RIMS4: variants seen among roughly 807,000 people sequenced by gnomAD.
The protein encoded by RIMS4 is regulating synaptic membrane exocytosis 4.
RIMS4 carries 9 observed loss-of-function variants against 29.0 expected under a neutral mutation model. The observed-to-expected ratio is 0.31, with a 90% confidence interval of 0.19 to 0.54. RIMS4 has a LOEUF of 0.54. Among genes scored for constraint, RIMS4 ranks in the 20% least tolerant of loss-of-function variants. The pLI is 0.94. For missense variants in RIMS4, 193 were observed against 365.7 expected (o/e 0.53, Z 3.85); for synonymous variants, 130 against 152.9 (o/e 0.85, Z 1.10).
At chr20:44,802,506 A>G (rs190937512) in intron 1 of RIMS4, among the ~76,000 whole-genome samples, 5 of 152,206 alleles carry the variant, frequency 3.3e-5, no homozygotes, top group African/African-American at 1.2e-4. Context: ...GGTCTCTCAC[A>G]CCTACATCAT....
At chr20:44,810,074 G>A (rs1221535601) in intron 1 of RIMS4, 101 bp downstream of exon 1, 8 of 550,918 alleles carry the variant, frequency 1.5e-5, no homozygotes, top group Non-Finnish European at 2.6e-5. Flanking sequence ...GCCTTCCCAG[G>A]GGATTGGGGG....
chr20:44,806,094 T>A (rs1159999294), intron 1 of RIMS4, among the ~76,000 whole-genome samples: 1 of 152,202 alleles, frequency 6.6e-6, no homozygotes, highest in Non-Finnish European at 1.5e-5. Context: ...GGAGAGGGAC[T>A]GGTAGCTGGC....
chr20:44,805,260 C>T (rs760286161), intron 1 of RIMS4, among the ~76,000 whole-genome samples: 10 of 152,026 alleles, frequency 6.6e-5, no homozygotes, highest in Non-Finnish European at 1.0e-4. Flanking sequence ...GAGCTGAGAT[C>T]GCACCACTGC....
At chr20:44,791,324 A>G (rs977874172) in intron 1 of RIMS4, among the ~76,000 whole-genome samples, 10 of 152,206 alleles carry the variant, frequency 6.6e-5, no homozygotes, top group African/African-American at 2.4e-4. Flanking sequence ...TGCACATAGC[A>G]TATACGGTGT....
Position 44,786,740 on chromosome 20 carries a change from G to A in RIMS4, c.98-15327C>T, listed in dbSNP as rs756934349. ...TCTATCCCTGGAACCTAAGGCCTAA[G>A]CTGGCAGAAAGGAGGGTTCAGAGAT... On this transcript the variant is annotated intron_variant, in intron 1 of 5. Transcript: ENST00000372851. Among the ~76,000 whole-genome samples the A allele has an allele frequency of 1.0e-3, 156 of 152,332 alleles. 4 individuals are homozygous for A. Among genetic ancestry groups the A allele is most frequent in the Admixed American group, 3.9e-4 (6 of 15,300 alleles).
chr20:44,773,565 C>G (rs938731834), intron 1 of RIMS4, among the ~76,000 whole-genome samples: 1 of 152,084 alleles, frequency 6.6e-6, no homozygotes, highest in Non-Finnish European at 1.5e-5. Context: ...ACACCTGCCT[C>G]GGCTCCCTCC....
chr20:44,782,223 C>T (rs2066187543), intron 1 of RIMS4, among the ~76,000 whole-genome samples: 1 of 152,132 alleles, frequency 6.6e-6, no homozygotes, highest in African/African-American at 2.4e-5. Flanking sequence ...ACAAGTTACC[C>T]CCAAATTTCA....
At chr20:44,757,976 G>A in intron 3 of RIMS4, 96 bp downstream of exon 3, 1 of 1,044,370 alleles carries the variant, frequency 9.6e-7, no homozygotes, top group South Asian at 1.5e-5. Flanking sequence ...GCAGAGGATG[G>A]ATCAACAGGC....
At chr20:44,774,698 CCTGA>C (rs1336321385) in intron 1 of RIMS4, among the ~76,000 whole-genome samples, 7 of 152,126 alleles carry the variant, frequency 4.6e-5, no homozygotes, top group African/African-American at 9.7e-5. Context: ...TCCAGAGAAC[CCTGA>C]CTAATAGTCA....
chr20:44,787,529 G>A (rs1400945007), intron 1 of RIMS4, among the ~76,000 whole-genome samples: 1 of 152,032 alleles, frequency 6.6e-6, no homozygotes, highest in Non-Finnish European at 1.5e-5. Context: ...CGGGAACACC[G>A]GCCGCCTGGA....
Position 44,778,518 on chromosome 20 carries a change from A to C in RIMS4, c.98-7105T>G, listed in dbSNP as rs1018877429. On this transcript the variant is annotated intron_variant, in intron 1 of 5. Coordinates refer to ENST00000372851, the MANE Select transcript of RIMS4 (RefSeq NM_182970.4). The stretch of plus-strand genomic sequence containing the variant: ...TAGTGAGACCCTGCCTCTATAAAAA[A>C]TTTGAAAATTACTAGCCCACACTGT... Among the ~76,000 whole-genome samples the C allele has an allele frequency of 5.9e-5, 9 of 152,158 alleles. No individual in the cohort carries two copies. The South Asian group carries it at 1.7e-3, about 28-fold the overall frequency.
chr20:44,763,860 A>G lies in RIMS4; in HGVS notation c.237-5676T>C, dbSNP rs565219159. Among the ~76,000 whole-genome samples, 13 of 152,314 alleles carry G rather than the reference A, an allele frequency of 8.5e-5. No individual in the cohort carries two copies. The South Asian group carries it at 2.7e-3, about 32-fold the overall frequency. ...AGCATCAGAAATTAAAAGGTTGCAC[A>G]GCCCTTGTGGTGATTATAGGTTATG... On this transcript the variant is annotated intron_variant, in intron 2 of 5. Coordinates refer to ENST00000372851, the MANE Select transcript of RIMS4 (RefSeq NM_182970.4).
intron 2 of RIMS4, among the ~76,000 whole-genome samples, chr20:44,763,765 T>C (rs542870723): frequency 6.6e-6 from 1 of 152,340 alleles, no homozygotes; most frequent in African/African-American, 2.4e-5. Flanking sequence ...TTCTTGATGG[T>C]GAAAGAAGTA....
At chr20:44,761,683 G>A (rs1011391513) in intron 2 of RIMS4, among the ~76,000 whole-genome samples, 7 of 152,172 alleles carry the variant, frequency 4.6e-5, no homozygotes, top group African/African-American at 1.7e-4. Flanking sequence ...CCCACACTCG[G>A]GTTGCCTGGG....
chr20:44,805,285 G>T (rs1300729389), intron 1 of RIMS4, among the ~76,000 whole-genome samples: 1 of 152,056 alleles, frequency 6.6e-6, no homozygotes, highest in East Asian at 1.9e-4. Context: ...CACCTTGGGC[G>T]ACAGAGGGAG....
chr20:44,791,213 C>T (rs1375036826), intron 1 of RIMS4, among the ~76,000 whole-genome samples: 1 of 152,196 alleles, frequency 6.6e-6, no homozygotes, highest in Non-Finnish European at 1.5e-5. Flanking sequence ...GAGAAATAGC[C>T]CTAGTGGTGA....
At chr20:44,764,134 CCATTTATG>C (rs1158879931) in intron 2 of RIMS4, among the ~76,000 whole-genome samples, 1 of 80,658 alleles carries the variant, frequency 1.2e-5, no homozygotes, top group Non-Finnish European at 3.0e-5. Flanking sequence ...ATCCATCCAT[CCATTTATG>C]CATCCATTTA....
In RIMS4 at chr20:44,756,059, C is replaced by T. The variant is rs1481497200; in HGVS notation, c.*75G>A. The T allele has an allele frequency of 2.4e-5, 28 of 1,159,606 alleles. No individual in the cohort carries two copies. Among genetic ancestry groups the T allele is most frequent in the Non-Finnish European group, 3.4e-5 (27 of 802,000 alleles). 71.8% of individuals were successfully genotyped at this position (1,159,606 alleles called of 1,614,324 possible). On this transcript the variant is annotated 3_prime_UTR_variant, in exon 6 of 6. Transcript: ENST00000372851. The surrounding 1 kb of genome is among the most constrained non-coding windows in gnomAD (Gnocchi z 5.9). The stretch of plus-strand genomic sequence containing the variant: ...GAGCCCCGTCCTCCTGTTCAATGTG[C>T]CCCTGGGCCTGGGGTCCCAGGTCAG...
At chr20:44,795,523 T>C (rs1185145077) in intron 1 of RIMS4, among the ~76,000 whole-genome samples, 1 of 151,934 alleles carries the variant, frequency 6.6e-6, no homozygotes, top group East Asian at 1.9e-4. Context: ...TCCCAGCTAC[T>C]TGGGAGGCTG....
Sources: allele counts gnomAD v4.1 joint callset (sites outside exome capture counted in the v4.1 genomes callset), GRCh38; gene constraint gnomAD v4.1.1; non-coding constraint Gnocchi (gnomAD v3.1); transcripts MANE v1.5; gene names NCBI Gene and HGNC (gene_info 2026-07-23, HGNC 2026-07-21).